The following B3GNT2 variants were observed in gnomAD, a reference collection of about 807,000 sequenced individuals.
B3GNT2 encodes the protein N-acetyllactosaminide beta-1,3-N-acetylglucosaminyltransferase 2.
In B3GNT2, 12 loss-of-function variants were observed where a neutral mutation model predicts 27.6. The ratio of observed to expected loss-of-function variants is 0.44; its 90% CI spans 0.28 to 0.71. B3GNT2 has a LOEUF of 0.71. Ranked by LOEUF, B3GNT2 falls within the 30% of genes least tolerant of loss-of-function variation. The pLI, the probability that B3GNT2 is intolerant of heterozygous loss-of-function variation, is 0.17. For synonymous variants in B3GNT2, 192 were observed against 189.7 expected, an observed-to-expected ratio of 1.01 and a Z score of -0.10; for missense variants, 413 against 488.5, an observed-to-expected ratio of 0.85 and a Z score of 1.46.
At chr2:62,215,079 C>T (rs1674547305) in intron 1 of B3GNT2, among the ~76,000 whole-genome samples, 1 of 152,094 alleles carries the variant, frequency 6.6e-6, no homozygotes. Flanking sequence ...GAAAATCGGC[C>T]ACACTGGGCT....
Position 62,222,541 on chromosome 2 carries a change from G to C in B3GNT2, c.321G>C (p.Thr107=), listed in dbSNP as rs1674734673. The C allele has an allele frequency of 3.1e-6, 5 of 1,614,110 alleles. No individual in the cohort carries two copies. In the Admixed American group the frequency reaches 6.7e-5, roughly 22 times the overall value. Residue 107 remains threonine (T), a synonymous_variant, in exon 2 of 2, where the codon ACG becomes ACC. Transcript: ENST00000301998. The surrounding 1 kb of genome is among the most constrained non-coding windows in gnomAD (Gnocchi z 4.2). ...ACCTGAGGGTCACGTCGGTGGTTAC[G>C]GGTTTTAACAACTTGCCGGACAGAT... ...EPDLRVTSVV[T]GFNNLPDRFK...
At chr2:62,207,329 T>C (rs1347764946) in intron 1 of B3GNT2, among the ~76,000 whole-genome samples, 1 of 152,124 alleles carries the variant, frequency 6.6e-6, no homozygotes, top group Admixed American at 6.5e-5. Context: ...ACACACATGC[T>C]ACAGGCCACC....
intron 1 of B3GNT2, among the ~76,000 whole-genome samples, chr2:62,216,427 A>G (rs1296605486): frequency 6.7e-6 from 1 of 149,740 alleles, no homozygotes; most frequent in Non-Finnish European, 1.5e-5. Context: ...TTTTAAAGAG[A>G]TAGGGTCTCA....
chr2:62,199,996 T>C (rs1258111849), intron 1 of B3GNT2, among the ~76,000 whole-genome samples: 2 of 152,292 alleles, frequency 1.3e-5, no homozygotes, highest in African/African-American at 4.8e-5. Context: ...GAATTTATTA[T>C]TAGGGCTTAT....
intron 1 of B3GNT2, among the ~76,000 whole-genome samples, chr2:62,203,879 G>C (rs899105083): frequency 6.6e-6 from 1 of 152,102 alleles, no homozygotes; most frequent in Non-Finnish European, 1.5e-5. Flanking sequence ...CTTAGCTCCT[G>C]TTTCCCACCT....
chr2:62,213,472 G>C (rs916007503), intron 1 of B3GNT2, among the ~76,000 whole-genome samples: 5 of 152,122 alleles, frequency 3.3e-5, no homozygotes, highest in African/African-American at 1.2e-4. Flanking sequence ...TTGGGATAAG[G>C]GTGCAGGAGG....
chr2:62,204,698 T>C (rs969426123), intron 1 of B3GNT2, among the ~76,000 whole-genome samples: 8 of 152,258 alleles, frequency 5.3e-5, no homozygotes, highest in Admixed American at 4.6e-4. Context: ...TAAGGAATTA[T>C]TTCCTTCAAA....
At position 62,205,075 on chromosome 2, in the gene B3GNT2, C is replaced by T. The variant is rs1573259832; in HGVS notation, c.-10+8720C>T. ...CCAGGGAGAGTGACAGGCAGACCGG[C>T]GAGATTGGAAGCCCGTGGCACTGGG... On this transcript the variant is annotated intron_variant, in intron 1 of 1. Coordinates refer to ENST00000301998, the MANE Select transcript of B3GNT2 (RefSeq NM_006577.6). Among the ~76,000 whole-genome samples, 4 of 152,264 alleles carry T rather than the reference C, an allele frequency of 2.6e-5. 1 individual carries two copies. Among genetic ancestry groups the T allele is most frequent in the Admixed American group, 2.6e-4 (4 of 15,292 alleles).
intron 1 of B3GNT2, among the ~76,000 whole-genome samples, chr2:62,207,052 A>C (rs888103570): frequency 6.6e-6 from 1 of 152,228 alleles, no homozygotes; most frequent in African/African-American, 2.4e-5. Context: ...TTAATATGCT[A>C]TATGTAATCT....
chr2:62,212,104 G>A (rs1674491274), intron 1 of B3GNT2, among the ~76,000 whole-genome samples: 1 of 152,184 alleles, frequency 6.6e-6, no homozygotes, highest in Non-Finnish European at 1.5e-5. Flanking sequence ...CTCTGAAAAT[G>A]GGTCTGGGCC....
chr2:62,211,447 C>G (rs1674480806), intron 1 of B3GNT2, among the ~76,000 whole-genome samples: 1 of 151,992 alleles, frequency 6.6e-6, no homozygotes, highest in African/African-American at 2.4e-5. Context: ...ACAAACCACT[C>G]TTCCCCTGTG....
At chr2:62,203,673 C>G (rs370877796) in intron 1 of B3GNT2, among the ~76,000 whole-genome samples, 2 of 152,020 alleles carry the variant, frequency 1.3e-5, no homozygotes, top group South Asian at 2.1e-4. Flanking sequence ...TGCCTGGTGC[C>G]TTTGGAGAGG....
intron 1 of B3GNT2, among the ~76,000 whole-genome samples, chr2:62,217,735 G>T (rs1269748640): frequency 2.0e-5 from 3 of 152,188 alleles, no homozygotes; most frequent in Non-Finnish European, 4.4e-5. Context: ...GTTAAAGGAT[G>T]TGAAAACACC....
At position 62,222,299 on chromosome 2, in the gene B3GNT2, G is replaced by A. The variant is rs749110175; in HGVS notation, c.79G>A (p.Val27Ile). The A allele has an allele frequency of 6.2e-7, 1 of 1,613,854 alleles. No homozygotes were observed. Among genetic ancestry groups the A allele is most frequent in the Admixed American group, 1.7e-5 (1 of 59,948 alleles). Residue 27 changes from valine (V) to isoleucine (I), a missense_variant, in exon 2 of 2, where the codon GTC (valine) becomes ATC (isoleucine). By Grantham distance (29) the Val-to-Ile change is conservative. Transcript: ENST00000301998. This position sits in a 1 kb window ranked among gnomAD's most constrained non-coding sequence, Gnocchi z 4.2. ...ANVFIYFIME[V>I]SKSSSQEKNG... ...TGTCTTCATTTATTTTATTATGGAA[G>A]TCTCCAAAAGCAGTAGCCAAGAAAA...
intron 1 of B3GNT2, among the ~76,000 whole-genome samples, chr2:62,211,266 G>C (rs1674476628): frequency 6.6e-6 from 1 of 152,124 alleles, no homozygotes; most frequent in African/African-American, 2.4e-5. Context: ...AAGTGTGGGG[G>C]CATCGATTGA....
rs1674718101 is a variant in B3GNT2 at position 62,222,402 on chromosome 2, G to A, written c.182G>A (p.Arg61Gln). Residue 61 changes from arginine (R) to glutamine (Q), a missense_variant, in exon 2 of 2, where the codon CGA (arginine) becomes CAA (glutamine). Physicochemically the swap from Arg to Gln is conservative, Grantham distance 43. Transcript: ENST00000301998. This position sits in a 1 kb window ranked among gnomAD's most constrained non-coding sequence, Gnocchi z 4.2. ...ISTPPEAYWNREQEKLNRQYN... is the reference protein window; with the variant it reads ...ISTPPEAYWNQEQEKLNRQYN... ...ACCCCTCCCGAGGCATACTGGAACC[G>A]AGAGCAAGAGAAGCTGAACCGGCAG... The A allele has an allele frequency of 1.9e-6, 3 of 1,614,106 alleles. No homozygotes were observed. The highest frequency in any genetic ancestry group is 1.7e-6 in the Non-Finnish European group (2 of 1,180,004).
intron 1 of B3GNT2, among the ~76,000 whole-genome samples, chr2:62,209,131 G>T (rs190078936): frequency 2.0e-5 from 3 of 152,142 alleles, no homozygotes; most frequent in African/African-American, 7.2e-5. Flanking sequence ...ACAGACATGA[G>T]CCACCATACC....
chr2:62,202,902 C>T (rs890461744), intron 1 of B3GNT2, among the ~76,000 whole-genome samples: 5 of 152,142 alleles, frequency 3.3e-5, no homozygotes, highest in East Asian at 3.9e-4. Context: ...AGGCACAAGG[C>T]CCCCAGCTTT....
At position 62,222,381 on chromosome 2, in the gene B3GNT2, C is replaced by A; in HGVS notation, c.161C>A (p.Pro54His). 1 of 1,614,092 alleles carries A rather than the reference C, an allele frequency of 6.2e-7. No homozygotes were observed. Among genetic ancestry groups the A allele is most frequent in the Non-Finnish European group, 8.5e-7 (1 of 1,180,028 alleles). Reference sequence around the variant, plus strand: ...GAGAAGTTCTGGAAGATATCTACCCCTCCCGAGGCATACTGGAACCGAGAG... The same window carrying A: ...GAGAAGTTCTGGAAGATATCTACCCATCCCGAGGCATACTGGAACCGAGAG... Reference protein sequence around the residue: ...PKEKFWKISTPPEAYWNREQE... With the variant: ...PKEKFWKISTHPEAYWNREQE... The change falls in exon 2 of 2, where the codon CCT becomes CAT. Residue 54 changes from proline to histidine, a missense_variant. Physicochemically the swap from Pro to His is moderately conservative, Grantham distance 77 (BLOSUM62 -2). Coordinates refer to ENST00000301998, the MANE Select transcript of B3GNT2 (RefSeq NM_006577.6). The surrounding 1 kb of genome is among the most constrained non-coding windows in gnomAD (Gnocchi z 4.2).
Sources: gnomAD v4.1 joint callset for allele counts (sites outside exome capture counted in the v4.1 genomes callset) on GRCh38, gnomAD v4.1.1 for gene constraint, Gnocchi (gnomAD v3.1) non-coding constraint, MANE v1.5 for transcripts, NCBI Gene and HGNC (gene_info 2026-07-23, HGNC 2026-07-21) for gene names.